Variants in SH3GLB1 observed in about 807,000 individuals in gnomAD.
SH3GLB1 encodes SH3 domain containing GRB2 like, endophilin B1.
SH3GLB1 carries 17 observed loss-of-function variants against 42.0 expected under a neutral mutation model. The ratio of observed to expected loss-of-function variants is 0.40; its 90% CI spans 0.28 to 0.61. The LOEUF is 0.61. SH3GLB1 is among the 20% of genes least tolerant of loss of function. The pLI, the probability that SH3GLB1 is intolerant of heterozygous loss-of-function variation, is 0.36. For synonymous variants in SH3GLB1, 132 were observed against 146.6 expected (o/e 0.90, Z 0.72); for missense variants, 355 against 426.3 (o/e 0.83, Z 1.47).
At chr1:86,724,892 AATAT>A (rs58927851) in intron 5 of SH3GLB1, among the ~76,000 whole-genome samples, 5 of 99,686 alleles carry the variant, frequency 5.0e-5, no homozygotes, top group Admixed American at 1.0e-4. Flanking sequence ...AAAAAAAAAA[AATAT>A]ATATATATAT....
At chr1:86,715,628 G>A in intron 1 of SH3GLB1, 96 bp from the exon 2 acceptor site, 1 of 1,221,912 alleles carries the variant, frequency 8.2e-7, no homozygotes, top group Non-Finnish European at 1.1e-6. Flanking sequence ...TGTATGTTTA[G>A]GATTGTTTAG....
rs185267493 is a variant in SH3GLB1 at position 86,730,160 on chromosome 1, G to A, written c.571-4442G>A. ...ACTATGAAACAAGAATTTAGTTGAC[G>A]TTGATTCAGTAAATATGTATTGGGC... On this transcript the variant is annotated intron_variant, in intron 5 of 8. Coordinates refer to ENST00000370558, the MANE Select transcript of SH3GLB1 (RefSeq NM_016009.5). The A allele has an allele frequency of 2.8e-3, 4,313 of 1,556,620 alleles. 13 individuals carry two copies. Among genetic ancestry groups the A allele is most frequent in the Non-Finnish European group, 3.3e-3 (3,796 of 1,149,810 alleles).
intron 5 of SH3GLB1, among the ~76,000 whole-genome samples, chr1:86,726,176 G>A (rs1402456837): frequency 6.6e-6 from 1 of 152,048 alleles, no homozygotes; most frequent in African/African-American, 2.4e-5. Context: ...CTTTATTCAA[G>A]ATGCCTATAT....
intron 1 of SH3GLB1, among the ~76,000 whole-genome samples, chr1:86,710,058 A>G (rs776139735): frequency 1.1e-4 from 17 of 152,216 alleles, no homozygotes; most frequent in South Asian, 2.1e-4. Flanking sequence ...TTCGAAATCC[A>G]TACATTTTCT....
chr1:86,739,010 A>G (rs574474927), intron 7 of SH3GLB1, among the ~76,000 whole-genome samples: 1 of 152,368 alleles, frequency 6.6e-6, no homozygotes, highest in Non-Finnish European at 1.5e-5. Context: ...GGAATGCCAG[A>G]GGAGGCAAAG....
intron 1 of SH3GLB1, among the ~76,000 whole-genome samples, chr1:86,705,915 G>A (rs1202148668): frequency 1.3e-5 from 2 of 152,172 alleles, no homozygotes; most frequent in Non-Finnish European, 2.9e-5. Context: ...TACCAAATTG[G>A]TGCTGAAATG....
intron 5 of SH3GLB1, among the ~76,000 whole-genome samples, chr1:86,724,888 A>ATATATATATATATATATATATAT (rs1428217607): frequency 1.0e-5 from 1 of 99,494 alleles, no homozygotes; most frequent in African/African-American, 4.8e-5. Context: ...AAAAAAAAAA[A>ATATATATATATATATATATATAT]AAAAATATAT....
At chr1:86,717,895 T>C (rs1222200763) in intron 2 of SH3GLB1, among the ~76,000 whole-genome samples, 2 of 152,232 alleles carry the variant, frequency 1.3e-5, no homozygotes, top group African/African-American at 2.4e-5. Context: ...TTTAAGATTT[T>C]ATTATAACCT....
At chr1:86,709,451 G>A (rs1453710104) in intron 1 of SH3GLB1, among the ~76,000 whole-genome samples, 4 of 152,156 alleles carry the variant, frequency 2.6e-5, no homozygotes, top group Admixed American at 6.5e-5. Flanking sequence ...GGCGTTGAAA[G>A]ATACAAAGCT....
At position 86,728,550 on chromosome 1, in the gene SH3GLB1, G is replaced by A. The variant is rs556492286; in HGVS notation, c.570+4145G>A. 108 of 977,594 alleles carry A rather than the reference G, an allele frequency of 1.1e-4. 1 individual carries two copies. The African/African-American group carries it at 1.3e-3, about 12-fold the overall frequency. 60.6% of individuals were successfully genotyped at this position (977,594 alleles called of 1,614,324 possible). A position where few individuals can be genotyped will look rare whatever the true frequency, so the allele number is the denominator to read the frequency against. On this transcript the variant is annotated intron_variant, in intron 5 of 8. Coordinates refer to ENST00000370558, the MANE Select transcript of SH3GLB1 (RefSeq NM_016009.5). Reference sequence around the variant, plus strand: ...AAAGTGCCTTCTCTTGCTATTAGCCGCTTGTAAAATTTTGAAATAATTGGA... The same window carrying A: ...AAAGTGCCTTCTCTTGCTATTAGCCACTTGTAAAATTTTGAAATAATTGGA...
chr1:86,725,253 C>T (rs1451834700), intron 5 of SH3GLB1, among the ~76,000 whole-genome samples: 2 of 151,940 alleles, frequency 1.3e-5, no homozygotes, highest in South Asian at 2.1e-4. Context: ...AGAATGTTCA[C>T]CAAGAATAGT....
chr1:86,719,434 A>AT, intron 2 of SH3GLB1, 73 bp from the exon 3 acceptor site: 1 of 1,378,392 alleles, frequency 7.3e-7, no homozygotes. Context: ...ATGGCTGCTG[A>AT]TGGGGGAAAA....
intron 7 of SH3GLB1, among the ~76,000 whole-genome samples, chr1:86,740,376 A>C (rs1274843155): frequency 6.6e-6 from 1 of 152,218 alleles, no homozygotes; most frequent in Non-Finnish European, 1.5e-5. Flanking sequence ...CCTAGTCATA[A>C]ATTGAATGTA....
Position 86,718,609 on chromosome 1 carries a change from G to A in SH3GLB1, c.215-898G>A, listed in dbSNP as rs374972123. On this transcript the variant is annotated intron_variant, in intron 2 of 8. Transcript: ENST00000370558. ...TGCACTGTGTGAAACTTCCGCATGC[G>A]TAGGAATCTATGTGAGGTACTTAGA... is the stretch of plus-strand genomic sequence containing the variant. Among the ~76,000 whole-genome samples, 11 of 152,206 alleles carry A rather than the reference G, an allele frequency of 7.2e-5. No individual in the cohort carries two copies. The South Asian group carries it at 1.0e-3, about 14-fold the overall frequency.
At position 86,744,519 on chromosome 1, in the gene SH3GLB1, T is replaced by G. The variant is rs1656208524; in HGVS notation, c.*1284T>G. 1 of 152,106 alleles carries G rather than the reference T, an allele frequency of 6.6e-6. No individual in the cohort carries two copies. Among genetic ancestry groups the G allele is most frequent in the South Asian group, 2.1e-4 (1 of 4,830 alleles). The allele number at this position is 152,106 out of a possible 1,614,324, so 9.4% of individuals were successfully genotyped here. On this transcript the variant is annotated 3_prime_UTR_variant, in exon 9 of 9. Coordinates refer to ENST00000370558, the MANE Select transcript of SH3GLB1 (RefSeq NM_016009.5). ...ATTTGGGAGTCATGTAACTCCAGTT[T>G]TGGGAGTGAGAGAGGGTCTGGGGAA...
chr1:86,727,074 G>A (rs144328173), intron 5 of SH3GLB1, among the ~76,000 whole-genome samples: 7 of 151,962 alleles, frequency 4.6e-5, no homozygotes, highest in African/African-American at 1.7e-4. Flanking sequence ...TTTAAGTTCT[G>A]TGTTTACTAA....
chr1:86,709,194 T>G (rs1654048376), intron 1 of SH3GLB1, among the ~76,000 whole-genome samples: 1 of 152,222 alleles, frequency 6.6e-6, no homozygotes, highest in Non-Finnish European at 1.5e-5. Flanking sequence ...TACTCTGACT[T>G]TCTTTAATAA....
chr1:86,741,596 A>C (rs937354052), intron 7 of SH3GLB1, among the ~76,000 whole-genome samples: 1 of 152,204 alleles, frequency 6.6e-6, no homozygotes. Context: ...CAGTCATATT[A>C]TTTGAATGTC....
At chr1:86,726,409 A>G in intron 5 of SH3GLB1, among the ~76,000 whole-genome samples, 1 of 152,044 alleles carries the variant, frequency 6.6e-6, no homozygotes, top group East Asian at 1.9e-4. Context: ...TAGTAGACCA[A>G]TTTTGAGAGA....
Sources: gnomAD v4.1 joint callset for allele counts (sites outside exome capture counted in the v4.1 genomes callset) on GRCh38, gnomAD v4.1.1 for gene constraint, MANE v1.5 for transcripts, NCBI Gene and HGNC (gene_info 2026-07-23, HGNC 2026-07-21) for gene names.